Variants in PRPSAP2 observed in about 807,000 individuals in gnomAD.
The protein encoded by PRPSAP2 is phosphoribosyl pyrophosphate synthase-associated protein 2.
In PRPSAP2, 24 loss-of-function variants were observed where a neutral mutation model predicts 40.6. That is an observed-to-expected ratio of 0.59 (90% CI 0.43 to 0.83). The LOEUF is 0.83. Ranked by LOEUF, PRPSAP2 falls within the 40% of genes least tolerant of loss-of-function variation. The pLI, the probability that PRPSAP2 is intolerant of heterozygous loss-of-function variation, is 0.00. For missense variants in PRPSAP2, 292 were observed against 465.6 expected, an observed-to-expected ratio of 0.63 and a Z score of 3.43; for synonymous variants, 149 against 164.7, an observed-to-expected ratio of 0.90 and a Z score of 0.73.
At chr17:18,883,589 A>G (rs1597597826) in intron 7 of PRPSAP2, among the ~76,000 whole-genome samples, 1 of 151,908 alleles carries the variant, frequency 6.6e-6, no homozygotes, top group African/African-American at 2.4e-5. Context: ...GGGTTTCACC[A>G]TGTTGGCCAG....
chr17:18,911,168 C>T lies in PRPSAP2; in HGVS notation c.650C>T (p.Ala217Val). Residue 217 changes from alanine to valine, a missense_variant, in exon 9 of 12, where the codon GCC becomes GTC. Transcript: ENST00000268835. This position sits in a 1 kb window ranked among gnomAD's most constrained non-coding sequence, Gnocchi z 4.5. ...IAVIHGEAQD[A>V]ESDLVDGRHS... ...GTGATTCATGGAGAGGCGCAGGATGCCGAGTCGGACTTGGTGGATGGACGG... is the reference window on the plus strand; with the variant it reads ...GTGATTCATGGAGAGGCGCAGGATGTCGAGTCGGACTTGGTGGATGGACGG... 5.0e-6 allele frequency: 8 copies of T among 1,613,902 alleles called. No individual in the cohort carries two copies. Among genetic ancestry groups the T allele is most frequent in the Non-Finnish European group, 6.8e-6 (8 of 1,179,894 alleles).
chr17:18,919,170 A>G (rs1015460456), intron 9 of PRPSAP2, among the ~76,000 whole-genome samples: 1 of 152,142 alleles, frequency 6.6e-6, no homozygotes, highest in African/African-American at 2.4e-5. Flanking sequence ...GTTTGAGACC[A>G]GCCTGGGCAA....
intron 9 of PRPSAP2, among the ~76,000 whole-genome samples, chr17:18,913,127 G>A (rs1166190235): frequency 1.3e-5 from 2 of 152,180 alleles, no homozygotes; most frequent in Non-Finnish European, 2.9e-5. Flanking sequence ...GGGTGGTCTT[G>A]CCCCACAACT....
intron 10 of PRPSAP2, among the ~76,000 whole-genome samples, chr17:18,927,555 G>GGGCTTCAACAA (rs2042036592): frequency 6.6e-6 from 1 of 152,148 alleles, no homozygotes; most frequent in Non-Finnish European, 1.5e-5. Flanking sequence ...AGGACATTTG[G>GGGCTTCAACAA]ATGATTTCCA....
At chr17:18,862,894 C>T (rs963076627) in intron 1 of PRPSAP2, among the ~76,000 whole-genome samples, 3 of 151,642 alleles carry the variant, frequency 2.0e-5, no homozygotes, top group Non-Finnish European at 4.4e-5. Context: ...GATCTCAGCT[C>T]ACTGCCCACT....
In PRPSAP2 at chr17:18,917,572, ATTATTATTATTATTTTT is replaced by A. The variant is rs536414361; in HGVS notation, c.733+6324_734-6323del. On this transcript the variant is annotated intron_variant, in intron 9 of 11. Transcript: ENST00000268835. The stretch of plus-strand genomic sequence containing the variant: ...TATTATTATTATTATTATTATTATT[ATTATTATTATTATTTTT>A]TTTTTTTTTTTTTTTTTTTTTTTTT... 9.5e-3 allele frequency: 279 copies of A among 29,356 alleles called. 2 individuals are homozygous for A. Among genetic ancestry groups the A allele is most frequent in the African/African-American group, 0.036 (268 of 7,458 alleles). 1.8% of individuals were successfully genotyped at this position (29,356 alleles called of 1,614,324 possible). A position where few individuals can be genotyped will look rare whatever the true frequency, so the allele number is the denominator to read the frequency against.
intron 5 of PRPSAP2, among the ~76,000 whole-genome samples, chr17:18,873,869 G>A (rs1343901365): frequency 6.6e-6 from 1 of 151,946 alleles, no homozygotes; most frequent in Non-Finnish European, 1.5e-5. Context: ...CACTCTGGAA[G>A]GGAGGGTGAT....
Position 18,897,755 on chromosome 17 carries a change from G to A in PRPSAP2, c.584+7878G>A, listed in dbSNP as rs1457503690. ...TGGGATTACAGGCGTGAGCCACCAC[G>A]CCCGGCCCTCTATAGTGTTTTGAAT... is the stretch of plus-strand genomic sequence containing the variant. On this transcript the variant is annotated intron_variant, in intron 8 of 11. Coordinates refer to ENST00000268835, the MANE Select transcript of PRPSAP2 (RefSeq NM_002767.4). 6.6e-5 allele frequency among the ~76,000 whole-genome samples: 10 copies of A among 151,430 alleles called. No individual in the cohort carries two copies. The South Asian group carries it at 1.7e-3, about 25-fold the overall frequency.
intron 1 of PRPSAP2, among the ~76,000 whole-genome samples, chr17:18,863,483 ATTCT>A (rs1277864789): frequency 3.3e-5 from 5 of 151,814 alleles, no homozygotes; most frequent in African/African-American, 7.3e-5. Context: ...GATTAAACGT[ATTCT>A]TTCTTTCTTT....
Position 18,911,169 on chromosome 17 carries a change from C to T in PRPSAP2, c.651C>T (p.Ala217=), listed in dbSNP as rs747710745. The T allele has an allele frequency of 1.1e-5, 18 of 1,613,802 alleles. No homozygotes were observed. The highest frequency in any genetic ancestry group is 8.8e-5 in the South Asian group (8 of 91,066). The change falls in exon 9 of 12, where the codon GCC becomes GCT. Residue 217 remains alanine, a synonymous_variant. Coordinates refer to ENST00000268835, the MANE Select transcript of PRPSAP2 (RefSeq NM_002767.4). The surrounding 1 kb of genome is among the most constrained non-coding windows in gnomAD (Gnocchi z 4.5). The part of the protein sequence containing the change: ...IAVIHGEAQD[A]ESDLVDGRHS... ...TGATTCATGGAGAGGCGCAGGATGC[C>T]GAGTCGGACTTGGTGGATGGACGGC...
At chr17:18,910,120 G>A (rs1413051632) in intron 8 of PRPSAP2, among the ~76,000 whole-genome samples, 1 of 151,918 alleles carries the variant, frequency 6.6e-6, no homozygotes, top group Admixed American at 6.6e-5. Flanking sequence ...CATGTGCTGC[G>A]TAAAATAAGA....
At chr17:18,896,858 A>G (rs529038796) in intron 8 of PRPSAP2, among the ~76,000 whole-genome samples, 1 of 152,186 alleles carries the variant, frequency 6.6e-6, no homozygotes, top group South Asian at 2.1e-4. Context: ...TCTGTTTCTC[A>G]TGGCCACCAT....
At chr17:18,898,234 C>A (rs553857072) in intron 8 of PRPSAP2, among the ~76,000 whole-genome samples, 3 of 151,190 alleles carry the variant, frequency 2.0e-5, no homozygotes, top group Admixed American at 2.0e-4. Flanking sequence ...CTTGACCTCG[C>A]AATCTGCCCA....
intron 8 of PRPSAP2, chr17:18,904,134 C>G (rs368131276): frequency 5.8e-4 from 88 of 152,298 alleles, no homozygotes; most frequent in African/African-American, 2.1e-3. Context: ...TCTCTCCAAG[C>G]CTCAGTTTCC....
chr17:18,900,201 T>C, intron 8 of PRPSAP2, among the ~76,000 whole-genome samples: 1 of 152,120 alleles, frequency 6.6e-6, no homozygotes, highest in Non-Finnish European at 1.5e-5. Flanking sequence ...TTTGTATTTT[T>C]AGTAGAGACG....
chr17:18,873,388 T>A (rs970830644), intron 5 of PRPSAP2, among the ~76,000 whole-genome samples: 2 of 152,012 alleles, frequency 1.3e-5, no homozygotes, highest in African/African-American at 2.4e-5. Context: ...GTGTTTCTAG[T>A]AGAGACAGGG....
chr17:18,917,407 T>TG (rs1343210496), intron 9 of PRPSAP2: 1 of 150,664 alleles, frequency 6.6e-6, no homozygotes, highest in African/African-American at 2.4e-5. Flanking sequence ...CTTTTTTTTT[T>TG]TTTTTGAAAC....
chr17:18,922,447 T>C (rs2041736772), intron 9 of PRPSAP2, among the ~76,000 whole-genome samples: 1 of 152,106 alleles, frequency 6.6e-6, no homozygotes, highest in Non-Finnish European at 1.5e-5. Context: ...TCAACACTTA[T>C]TTTCTACTTT....
intron 5 of PRPSAP2, among the ~76,000 whole-genome samples, chr17:18,876,135 AAAAC>A (rs945978622): frequency 1.3e-5 from 2 of 152,220 alleles, no homozygotes; most frequent in African/African-American, 2.4e-5. Context: ...CTCCGTCTCA[AAAAC>A]AAACAAACAA....
Sources: gnomAD v4.1 joint callset for allele counts (sites outside exome capture counted in the v4.1 genomes callset) on GRCh38, gnomAD v4.1.1 for gene constraint, Gnocchi (gnomAD v3.1) non-coding constraint, MANE v1.5 for transcripts, NCBI Gene and HGNC (gene_info 2026-07-23, HGNC 2026-07-21) for gene names.